The following PCBP3 variants were observed in gnomAD, a reference collection of about 807,000 sequenced individuals.
PCBP3 encodes poly(rC) binding protein 3.
PCBP3 carries 25 observed loss-of-function variants against 52.7 expected under a neutral mutation model. The ratio of observed to expected loss-of-function variants is 0.47; its 90% CI spans 0.35 to 0.66. The LOEUF (loss-of-function observed/expected upper bound fraction) is 0.66. PCBP3 is among the 30% of genes least tolerant of loss of function. The pLI, the probability that PCBP3 is intolerant of heterozygous loss-of-function variation, is 0.01. For missense variants in PCBP3, 391 were observed against 490.3 expected, an observed-to-expected ratio of 0.80 and a Z score of 1.91; for synonymous variants, 162 against 183.0, an observed-to-expected ratio of 0.89 and a Z score of 0.93.
intron 3 of PCBP3, among the ~76,000 whole-genome samples, chr21:45,746,966 C>T (rs1281017704): frequency 1.4e-5 from 2 of 146,818 alleles, no homozygotes; most frequent in African/African-American, 2.5e-5. Flanking sequence ...TTGTCAGCAT[C>T]GCTGTGTCAG....
At chr21:45,828,147 C>T (rs919881805) in intron 4 of PCBP3, 10 of 152,286 alleles carry the variant, frequency 6.6e-5, no homozygotes, top group African/African-American at 2.4e-4. Flanking sequence ...CGCCAACTGG[C>T]CAAGACTTCA....
At position 45,737,813 on chromosome 21, in the gene PCBP3, G is replaced by A. The variant is rs898942063; in HGVS notation, c.-162+2384G>A. ...CAGAAGGGCTCTCCTCTCGTGGGCT[G>A]TGTCGAGTGAGTCCTGCAGCTTCTC... is the stretch of plus-strand genomic sequence containing the variant. On this transcript the variant is annotated intron_variant, in intron 3 of 17. Transcript: ENST00000681687. The surrounding 1 kb of genome is among the most constrained non-coding windows in gnomAD (Gnocchi z 4.9). Among the ~76,000 whole-genome samples the A allele has an allele frequency of 1.3e-5, 2 of 152,268 alleles. No individual in the cohort carries two copies. The highest frequency in any genetic ancestry group is 2.4e-5 in the African/African-American group (1 of 41,478).
intron 1 of PCBP3, among the ~76,000 whole-genome samples, chr21:45,648,728 G>A (rs2079489799): frequency 1.3e-5 from 2 of 152,164 alleles, no homozygotes; most frequent in Non-Finnish European, 2.9e-5. Flanking sequence ...GTTTTAATTA[G>A]CATTTCCTTG....
chr21:45,853,862 G>A lies in PCBP3; in HGVS notation c.10+3767G>A, dbSNP rs1432488439. 1 of 152,306 alleles carries A rather than the reference G, an allele frequency of 6.6e-6. No individual in the cohort carries two copies. The highest frequency in any genetic ancestry group is 1.5e-5 in the Non-Finnish European group (1 of 68,122). The allele number at this position is 152,306 out of a possible 1,614,324, so 9.4% of individuals were successfully genotyped here. Reference sequence around the variant, plus strand: ...TGCGTGGTGGCAGTGGCAGGTGGTGGTGATAAGGGCCGGTGAGAATAAAAA... The same window carrying A: ...TGCGTGGTGGCAGTGGCAGGTGGTGATGATAAGGGCCGGTGAGAATAAAAA... On this transcript the variant is annotated intron_variant, in intron 5 of 17. Transcript: ENST00000681687. The surrounding 1 kb of genome is among the most constrained non-coding windows in gnomAD (Gnocchi z 4.6).
intron 1 of PCBP3, among the ~76,000 whole-genome samples, chr21:45,648,495 T>G (rs959955160): frequency 3.9e-5 from 6 of 152,244 alleles, no homozygotes; most frequent in African/African-American, 1.4e-4. Flanking sequence ...CCAATTGCCG[T>G]GTCCCACTGG....
chr21:45,712,696 CT>C (rs1320198630), intron 2 of PCBP3, among the ~76,000 whole-genome samples: 8 of 151,422 alleles, frequency 5.3e-5, no homozygotes, highest in Non-Finnish European at 1.2e-4. Context: ...GTTGCTCTTT[CT>C]TTCATTTTTT....
intron 1 of PCBP3, among the ~76,000 whole-genome samples, chr21:45,650,808 A>G (rs1350769600): frequency 6.6e-6 from 1 of 152,130 alleles, no homozygotes; most frequent in East Asian, 1.9e-4. Flanking sequence ...CTTTTTAAAT[A>G]TGGAGACACT....
At chr21:45,884,371 T>G (rs1162439029) in intron 5 of PCBP3, among the ~76,000 whole-genome samples, 1 of 152,238 alleles carries the variant, frequency 6.6e-6, no homozygotes, top group Non-Finnish European at 1.5e-5. Flanking sequence ...TATGGCTTTC[T>G]TTTTTAGTGC....
chr21:45,935,490 G>A (rs1190504027), intron 16 of PCBP3, 185 bp downstream of exon 16: 1 of 695,178 alleles, frequency 1.4e-6, no homozygotes, highest in South Asian at 1.5e-5. Context: ...CCCATAAAAA[G>A]TTATGTGTTT....
intron 8 of PCBP3, 82 bp downstream of exon 8, chr21:45,900,705 C>T: frequency 9.4e-7 from 1 of 1,066,634 alleles, no homozygotes; most frequent in Non-Finnish European, 1.5e-6. Context: ...CTGCCGACGT[C>T]CTGCCTGTGC....
At position 45,821,858 on chromosome 21, in the gene PCBP3, G is replaced by A. The variant is rs1441601188; in HGVS notation, c.-125-28103G>A. On this transcript the variant is annotated intron_variant, in intron 4 of 17. Coordinates refer to ENST00000681687, the MANE Select transcript of PCBP3 (RefSeq NM_001384156.1). This position sits in a 1 kb window ranked among gnomAD's most constrained non-coding sequence, Gnocchi z 4.4. ...AGCTTCCGTCCTGCAAGCACCGGCA[G>A]TGTCAGGGAGGCACCGCCCAGGGGA... 6.6e-6 allele frequency among the ~76,000 whole-genome samples: 1 copy of A among 152,244 alleles called. No homozygotes were observed. Among genetic ancestry groups the A allele is most frequent in the Non-Finnish European group, 1.5e-5 (1 of 68,042 alleles).
chr21:45,937,801 G>A (rs1332211662), intron 16 of PCBP3, among the ~76,000 whole-genome samples: 1 of 152,218 alleles, frequency 6.6e-6, no homozygotes, highest in Non-Finnish European at 1.5e-5. Context: ...GGCAGGGCAG[G>A]TGAAGGAGGT....
intron 9 of PCBP3, chr21:45,901,358 C>T (rs929506672): frequency 4.4e-6 from 2 of 456,938 alleles, no homozygotes; most frequent in Non-Finnish European, 8.1e-6. Context: ...TTAGGTCCAC[C>T]TCCCTCAGCT....
intron 5 of PCBP3, among the ~76,000 whole-genome samples, chr21:45,894,998 C>T (rs1315851194): frequency 6.6e-6 from 1 of 151,944 alleles, no homozygotes; most frequent in Non-Finnish European, 1.5e-5. Context: ...ATGAAGTGAC[C>T]TATACATGTG....
At chr21:45,784,619 CCTGA>C (rs1159601468) in intron 4 of PCBP3, among the ~76,000 whole-genome samples, 1 of 152,242 alleles carries the variant, frequency 6.6e-6, no homozygotes, top group Non-Finnish European at 1.5e-5. Flanking sequence ...CGCCGCCACG[CCTGA>C]CTGGTTTTCG....
chr21:45,760,083 A>G (rs2088475618), intron 4 of PCBP3: 1 of 152,210 alleles, frequency 6.6e-6, no homozygotes, highest in African/African-American at 2.4e-5. Context: ...TACTTAATAT[A>G]TCTTTCAGGA....
intron 4 of PCBP3, among the ~76,000 whole-genome samples, chr21:45,822,023 A>G (rs941016540): frequency 6.6e-6 from 1 of 152,174 alleles, no homozygotes; most frequent in African/African-American, 2.4e-5. Context: ...CCACATGCTC[A>G]TCCTCTGGAG....
chr21:45,896,207 G>A lies in PCBP3; in HGVS notation c.11-1G>A, dbSNP rs1261491966. 1.3e-6 allele frequency: 2 copies of A among 1,551,452 alleles called. No individual in the cohort carries two copies. Among genetic ancestry groups the A allele is most frequent in the Non-Finnish European group, 1.7e-6 (2 of 1,147,042 alleles). On this transcript the variant is annotated splice_acceptor_variant, in intron 5 of 17. Transcript: ENST00000681687. LOFTEE classifies it high-confidence loss of function. ...GCAGCAGCTGTGCCTTCTCTCTCCA[G>A]GTGACGCCTTCTGGGCCCCATCTGT...
In PCBP3 at chr21:45,788,899, A is replaced by C. The variant is rs2091340540; in HGVS notation, c.-126+33447A>C. On this transcript the variant is annotated intron_variant, in intron 4 of 17. Coordinates refer to ENST00000681687, the MANE Select transcript of PCBP3 (RefSeq NM_001384156.1). This position sits in a 1 kb window ranked among gnomAD's most constrained non-coding sequence, Gnocchi z 4.3. Reference sequence around the variant, plus strand: ...AGAAACACAGTGGAGCTAATGACACATTTCAGAATTAGAAATGGTTTTAGC... The same window carrying C: ...AGAAACACAGTGGAGCTAATGACACCTTTCAGAATTAGAAATGGTTTTAGC... 6.6e-6 allele frequency among the ~76,000 whole-genome samples: 1 copy of C among 152,224 alleles called. No individual in the cohort carries two copies. Among genetic ancestry groups the C allele is most frequent in the Admixed American group, 6.5e-5 (1 of 15,276 alleles).
Sources: allele counts gnomAD v4.1 joint callset (sites outside exome capture counted in the v4.1 genomes callset), GRCh38; gene constraint gnomAD v4.1.1; non-coding constraint Gnocchi (gnomAD v3.1); transcripts MANE v1.5; gene names NCBI Gene and HGNC (gene_info 2026-07-23, HGNC 2026-07-21).